Variants in USO1 observed in about 807,000 individuals in gnomAD.
USO1 encodes the protein USO1 vesicle transport factor.
Under a neutral mutation model 124.5 loss-of-function variants are expected in USO1, and 57 were observed. The observed-to-expected ratio is 0.46, with a 90% CI of 0.37 to 0.57. The LOEUF (loss-of-function observed/expected upper bound fraction) is 0.57. Among genes scored for constraint, USO1 ranks in the 20% least tolerant of loss-of-function variants. USO1 has a pLI of 0.00. For missense variants in USO1, 900 were observed against 1,040.6 expected (o/e 0.86, Z 1.86); for synonymous variants, 369 against 362.8 (o/e 1.02, Z -0.19).
intron 1 of USO1, among the ~76,000 whole-genome samples, chr4:75,739,762 G>T (rs753560591): frequency 6.6e-6 from 1 of 151,918 alleles, no homozygotes; most frequent in Non-Finnish European, 1.5e-5. Context: ...GGCCAGGCTG[G>T]TCTCGAACTC....
chr4:75,744,938 T>C (rs764963237), intron 1 of USO1: 3 of 504,934 alleles, frequency 5.9e-6, no homozygotes, highest in Non-Finnish European at 1.2e-5. Flanking sequence ...AGAAGTTGAA[T>C]TCCAAACAGT....
chr4:75,728,308 G>C (rs1720523551), intron 1 of USO1, among the ~76,000 whole-genome samples: 1 of 151,826 alleles, frequency 6.6e-6, no homozygotes. Flanking sequence ...CATACTCTTA[G>C]TTAAGAGTAA....
intron 2 of USO1, 26 bp from the exon 3 acceptor site, chr4:75,752,514 G>T: frequency 1.3e-5 from 5 of 398,374 alleles, no homozygotes; most frequent in Non-Finnish European, 1.8e-5. Context: ...AGTTACTTTA[G>T]TAACATTTTT....
intron 1 of USO1, among the ~76,000 whole-genome samples, chr4:75,726,504 C>G (rs1720465746): frequency 6.6e-6 from 1 of 150,642 alleles, no homozygotes; most frequent in Non-Finnish European, 1.5e-5. Flanking sequence ...GATGCTAAGC[C>G]AGGAGGATCG....
At chr4:75,770,245 T>C (rs1721882929) in intron 4 of USO1, 194 bp from the exon 5 acceptor site, 2 of 376,112 alleles carry the variant, frequency 5.3e-6, no homozygotes, top group Non-Finnish European at 9.1e-6. Flanking sequence ...GCCAATAAAA[T>C]GTATTTAAAT....
chr4:75,746,725 C>A (rs1169190214), intron 1 of USO1, among the ~76,000 whole-genome samples: 1 of 152,122 alleles, frequency 6.6e-6, no homozygotes, highest in Non-Finnish European at 1.5e-5. Context: ...GGTAATAAGG[C>A]CTCAAGGTAG....
chr4:75,804,009 A>ATT, intron 17 of USO1, 125 bp from the exon 18 acceptor site: 2 of 1,263,682 alleles, frequency 1.6e-6, no homozygotes, highest in South Asian at 4.1e-5. Context: ...TTACTGAACG[A>ATT]TTTTGGAAGT....
chr4:75,724,668 G>A lies in USO1; in HGVS notation c.-152G>A. On this transcript the variant is annotated 5_prime_UTR_variant, in exon 1 of 24. An upstream open reading frame in the 5' UTR loses its in-frame stop. Coordinates refer to ENST00000514213, the MANE Select transcript of USO1 (RefSeq NM_003715.4). ...CTGCTGGCGGCTGTTTCCGGGCTTAGAGGGCTGGAGTGGCCGCCGAGTTGG... is the reference window on the plus strand; with the variant it reads ...CTGCTGGCGGCTGTTTCCGGGCTTAAAGGGCTGGAGTGGCCGCCGAGTTGG... The A allele has an allele frequency of 1.4e-6, 1 of 699,778 alleles. No homozygotes were observed. The highest frequency in any genetic ancestry group is 2.4e-6 in the Non-Finnish European group (1 of 423,600). The allele number at this position is 699,778 out of a possible 1,614,324, so 43.3% of individuals were successfully genotyped here.
At position 75,724,751 on chromosome 4, in the gene USO1, C is replaced by T. The variant is rs1720339546; in HGVS notation, c.-69C>T. ...GTGCGGGATTGGGGCCCAGGCCCTG[C>T]GGAGGGCGGGGGAAGTTGTCTTCTT... On this transcript the variant is annotated 5_prime_UTR_variant, in exon 1 of 24. Coordinates refer to ENST00000514213, the MANE Select transcript of USO1 (RefSeq NM_003715.4). The T allele has an allele frequency of 3.2e-6, 5 of 1,548,276 alleles. No homozygotes were observed. The highest frequency in any genetic ancestry group is 1.1e-5 in the South Asian group (1 of 87,206).
chr4:75,807,063 A>T (rs62318557), intron 20 of USO1, among the ~76,000 whole-genome samples: 4 of 152,142 alleles, frequency 2.6e-5, no homozygotes, highest in African/African-American at 9.6e-5. Context: ...GTGGTAATTT[A>T]TAACATCTAG....
At chr4:75,732,745 C>T (rs537978892) in intron 1 of USO1, among the ~76,000 whole-genome samples, 3 of 151,398 alleles carry the variant, frequency 2.0e-5, no homozygotes, top group African/African-American at 7.3e-5. Context: ...GGCATGGTGG[C>T]ACCTGTGCCT....
At chr4:75,790,401 G>C (rs1449816959) in intron 11 of USO1, among the ~76,000 whole-genome samples, 163 bp downstream of exon 11, 2 of 152,178 alleles carry the variant, frequency 1.3e-5, no homozygotes, top group African/African-American at 4.8e-5. Context: ...TAAAAGAGTT[G>C]GTAGTCTTTG....
At chr4:75,790,127 T>C (rs939135821) in intron 10 of USO1, 23 bp from the exon 11 acceptor site, 2 of 1,546,198 alleles carry the variant, frequency 1.3e-6, no homozygotes, top group African/African-American at 2.7e-5. Context: ...CTAAATGTTC[T>C]TTTTCTTTCT....
chr4:75,764,282 A>C (rs185475517), intron 4 of USO1, among the ~76,000 whole-genome samples: 5 of 152,332 alleles, frequency 3.3e-5, no homozygotes, highest in African/African-American at 1.2e-4. Flanking sequence ...TCCTTAAAGC[A>C]TAGCACAGAA....
intron 19 of USO1, among the ~76,000 whole-genome samples, chr4:75,805,709 T>TAA (rs74838987): frequency 1.7e-5 from 2 of 117,848 alleles, no homozygotes; most frequent in Non-Finnish European, 3.6e-5. Flanking sequence ...ACTTTCCATC[T>TAA]AAAAAAAAAA....
intron 1 of USO1, among the ~76,000 whole-genome samples, chr4:75,741,407 A>G (rs559105930): frequency 6.6e-6 from 1 of 152,244 alleles, no homozygotes; most frequent in East Asian, 1.9e-4. Context: ...GGCTACACTA[A>G]ATTCATTTTT....
At chr4:75,776,322 C>T (rs571404459) in intron 8 of USO1, among the ~76,000 whole-genome samples, 18 of 152,186 alleles carry the variant, frequency 1.2e-4, no homozygotes, top group Non-Finnish European at 2.2e-4. Flanking sequence ...TTTAAAGAAA[C>T]GGAGCATTTC....
chr4:75,793,659 T>G, intron 12 of USO1, 31 bp from the exon 13 acceptor site: 1 of 1,563,316 alleles, frequency 6.4e-7, no homozygotes, highest in South Asian at 1.2e-5. Context: ...AAATCTAATA[T>G]ATTTTTATTG....
At chr4:75,782,291 G>T (rs1433600330) in intron 8 of USO1, among the ~76,000 whole-genome samples, 1 of 152,194 alleles carries the variant, frequency 6.6e-6, no homozygotes, top group African/African-American at 2.4e-5. Context: ...ACAAGCGTTT[G>T]TGAATTATAA....
Sources: gnomAD v4.1 joint callset for allele counts (sites outside exome capture counted in the v4.1 genomes callset) on GRCh38, gnomAD v4.1.1 for gene constraint, MANE v1.5 for transcripts, NCBI Gene and HGNC (gene_info 2026-07-23, HGNC 2026-07-21) for gene names.